Variants in NFXL1 observed in about 807,000 individuals in gnomAD.
NFXL1 encodes NF-X1-type zinc finger protein NFXL1.
In NFXL1, 66 loss-of-function variants were observed where a neutral mutation model predicts 123.3. The observed-to-expected ratio is 0.54, with a 90% CI of 0.44 to 0.66. The LOEUF (loss-of-function observed/expected upper bound fraction) is 0.66. NFXL1 is among the 30% of genes least tolerant of loss of function. The probability of loss-of-function intolerance (pLI) is 0.00; values close to 1 mark genes in which losing one functional copy is unlikely to be tolerated. For missense variants in NFXL1, 944 were observed against 1,125.6 expected (o/e 0.84, Z 2.31); for synonymous variants, 346 against 360.8 (o/e 0.96, Z 0.46).
chr4:47,905,580 C>T (rs1383656237), intron 3 of NFXL1, among the ~76,000 whole-genome samples: 6 of 152,122 alleles, frequency 3.9e-5, no homozygotes, highest in Non-Finnish European at 8.8e-5. Context: ...CTCTCTCTCT[C>T]AGTTATACTT....
intron 11 of NFXL1, among the ~76,000 whole-genome samples, chr4:47,892,435 G>A (rs1383308208): frequency 6.6e-6 from 1 of 152,182 alleles, no homozygotes; most frequent in Non-Finnish European, 1.5e-5. Context: ...TTGGGTCTTT[G>A]GCTGAGTACT....
chr4:47,872,367 CAGG>C (rs1167007752), intron 18 of NFXL1, among the ~76,000 whole-genome samples: 1 of 150,434 alleles, frequency 6.6e-6, no homozygotes, highest in African/African-American at 2.5e-5. Context: ...GAGGCCAAGG[CAGG>C]AGAATTGCTT....
At chr4:47,895,459 C>T (rs1421000880) in intron 10 of NFXL1, among the ~76,000 whole-genome samples, 1 of 152,192 alleles carries the variant, frequency 6.6e-6, no homozygotes, top group African/African-American at 2.4e-5. Flanking sequence ...TTAGCTAGAT[C>T]ATCTGGATAA....
intron 18 of NFXL1, among the ~76,000 whole-genome samples, chr4:47,867,267 A>C (rs1380357450): frequency 2.6e-5 from 4 of 152,134 alleles, no homozygotes; most frequent in Non-Finnish European, 4.4e-5. Context: ...ATAAAATTAC[A>C]TCAGAAATAA....
chr4:47,908,661 G>C (rs1390227509), intron 3 of NFXL1, among the ~76,000 whole-genome samples: 1 of 151,922 alleles, frequency 6.6e-6, no homozygotes, highest in Non-Finnish European at 1.5e-5. Context: ...ACTGAAAAAA[G>C]AAACAAATTT....
intron 3 of NFXL1, among the ~76,000 whole-genome samples, chr4:47,910,263 A>G (rs9683791): frequency 0.076 from 11,606 of 152,210 alleles, 674 homozygotes; most frequent in East Asian, 0.31. Flanking sequence ...GGATCACTTA[A>G]GCCCAGGAGT....
rs761223435 is a variant in NFXL1, at chr4:47,894,283, C to T, written c.1349G>A (p.Arg450His). 6.0e-5 allele frequency: 96 copies of T among 1,591,472 alleles called. 1 individual carries two copies. The highest frequency in any genetic ancestry group is 5.5e-4 in the Admixed American group (31 of 56,846). Reference protein sequence around the residue: ...TCRQEVEKHCRCGKHTKRMPC... With the variant: ...TCRQEVEKHCHCGKHTKRMPC... The stretch of plus-strand genomic sequence containing the variant: ...CATTCGTTTTGTATGCTTTCCACAG[C>T]GACAATGCTTTTCCACTTCCTGGAA... The change falls in exon 11 of 23, where the codon CGC becomes CAC. Residue 450 changes from arginine to histidine, a missense_variant. By Grantham distance (29) the Arg-to-His change is conservative. Transcript: ENST00000507489.
At chr4:47,903,770 TAAAC>T (rs1426594511) in intron 4 of NFXL1, among the ~76,000 whole-genome samples, 1 of 152,142 alleles carries the variant, frequency 6.6e-6, no homozygotes, top group East Asian at 1.9e-4. Context: ...AAAGAATCTT[TAAAC>T]ATAAATATGT....
At position 47,847,906 on chromosome 4, in the gene NFXL1, C is replaced by T. The variant is rs1733900721; in HGVS notation, c.*257G>A. 2 of 277,442 alleles carry T rather than the reference C, an allele frequency of 7.2e-6. No homozygotes were observed. Among genetic ancestry groups the T allele is most frequent in the Middle Eastern group, 1.1e-3 (1 of 950 alleles). 17.2% of individuals were successfully genotyped at this position (277,442 alleles called of 1,614,324 possible). On this transcript the variant is annotated 3_prime_UTR_variant, in exon 23 of 23. Coordinates refer to ENST00000507489, the MANE Select transcript of NFXL1 (RefSeq NM_001278624.2). ...CAAGGAAGCCCAATGAACAAAAACA[C>T]GTTACTCTGCCTCTAGCTAAGCCTT...
rs1332804938 is a variant in NFXL1 at position 47,885,929 on chromosome 4, G to A, written c.1614C>T (p.Pro538=). ...GTCTTGTGGTACGTTCTCGGCCACA[G>A]GGCACTGTCACCTTTGTATTGCCAC... ...CNCGNTKVTV[P]CGRERTTRPP... The change falls in exon 13 of 23, where the codon CCC becomes CCT. Residue 538 remains proline (P), a synonymous_variant. Coordinates refer to ENST00000507489, the MANE Select transcript of NFXL1 (RefSeq NM_001278624.2). The A allele has an allele frequency of 6.2e-7, 1 of 1,613,560 alleles. No individual in the cohort carries two copies. The highest frequency in any genetic ancestry group is 1.7e-5 in the Admixed American group (1 of 60,014).
At chr4:47,911,394 A>T (rs556433318) in intron 2 of NFXL1, among the ~76,000 whole-genome samples, 1 of 152,244 alleles carries the variant, frequency 6.6e-6, no homozygotes, top group Non-Finnish European at 1.5e-5. Flanking sequence ...CAGTGAGCAC[A>T]TAAAGAATCA....
At chr4:47,877,577 T>C (rs928466743) in intron 17 of NFXL1, among the ~76,000 whole-genome samples, 2 of 152,088 alleles carry the variant, frequency 1.3e-5, no homozygotes, top group Non-Finnish European at 2.9e-5. Context: ...TATTTGTTAG[T>C]TTGATTTTAT....
rs758266255 is a variant in NFXL1, at chr4:47,862,930, G to T, written c.2247-15C>A. 5 of 1,450,870 alleles carry T rather than the reference G, an allele frequency of 3.4e-6. No homozygotes were observed. The Admixed American group carries it at 6.8e-5, about 20-fold the overall frequency. 89.9% of individuals were successfully genotyped at this position (1,450,870 alleles called of 1,614,324 possible). A position where few individuals can be genotyped will look rare whatever the true frequency, so the allele number is the denominator to read the frequency against. On this transcript the variant is annotated splice_polypyrimidine_tract_variant and intron_variant, in intron 18 of 22. Coordinates refer to ENST00000507489, the MANE Select transcript of NFXL1 (RefSeq NM_001278624.2). ...TGGTTATTTTTCTAAAAATAAGAAA[G>T]TTGATGACATTCAAACAAAAATCCA...
At chr4:47,883,898 G>A (rs1307642791) in intron 15 of NFXL1, among the ~76,000 whole-genome samples, 1 of 152,156 alleles carries the variant, frequency 6.6e-6, no homozygotes, top group African/African-American at 2.4e-5. Flanking sequence ...CTCAGTCCCA[G>A]TCATTCACTG....
chr4:47,909,322 G>C (rs1413382303), intron 3 of NFXL1, among the ~76,000 whole-genome samples: 3 of 152,112 alleles, frequency 2.0e-5, no homozygotes, highest in Non-Finnish European at 2.9e-5. Context: ...CCATAAACAG[G>C]TACAAAAGTA....
Position 47,868,566 on chromosome 4 carries a change from A to C in NFXL1, c.2247-5651T>G, listed in dbSNP as rs547627595. Among the ~76,000 whole-genome samples, 13 of 152,020 alleles carry C rather than the reference A, an allele frequency of 8.6e-5. No individual in the cohort carries two copies. In the South Asian group the frequency reaches 1.9e-3, roughly 22 times the overall value. ...AAACAAGGGTCTAAAGACATTAAAA[A>C]CGTACAAAAAAAAAAAGTAATCAAC... On this transcript the variant is annotated intron_variant, in intron 18 of 22. Transcript: ENST00000507489.
rs1467077659 is a variant in NFXL1, at chr4:47,914,080, C to T, written c.124G>A (p.Val42Met). 6.4e-7 allele frequency: 1 copy of T among 1,550,458 alleles called. No individual in the cohort carries two copies. Among genetic ancestry groups the T allele is most frequent in the African/African-American group, 1.4e-5 (1 of 73,038 alleles). The stretch of plus-strand genomic sequence containing the variant: ...CTGGTGCCAGAAGGAACTGCGCCCA[C>T]CGACCCCTTCTCTCGCCCTCCTCCG... ...GAGGGREKGS[V>M]GAVPSGTSPG... Residue 42 changes from valine to methionine, a missense_variant, in exon 2 of 23, where the codon GTG becomes ATG. Physicochemically the swap from Val to Met is conservative, Grantham distance 21. Coordinates refer to ENST00000507489, the MANE Select transcript of NFXL1 (RefSeq NM_001278624.2).
chr4:47,892,816 A>C (rs1400740594), intron 11 of NFXL1, among the ~76,000 whole-genome samples: 1 of 152,226 alleles, frequency 6.6e-6, no homozygotes, highest in Non-Finnish European at 1.5e-5. Context: ...GTTCATGTCT[A>C]GTAACAATCA....
chr4:47,902,930 G>A (rs75279508), intron 5 of NFXL1, among the ~76,000 whole-genome samples: 2,579 of 152,146 alleles, frequency 0.017, 41 homozygotes, highest in East Asian at 0.061. Flanking sequence ...TTTTGGGGTG[G>A]GTCACCTGAG....
Sources: gnomAD v4.1 joint callset for allele counts (sites outside exome capture counted in the v4.1 genomes callset) on GRCh38, gnomAD v4.1.1 for gene constraint, MANE v1.5 for transcripts, NCBI Gene and HGNC (gene_info 2026-07-23, HGNC 2026-07-21) for gene names.